The following NPC2 variants were observed in gnomAD, a reference collection of about 807,000 sequenced individuals.
NPC2 encodes NPC intracellular cholesterol transporter 2, also known as Niemann-Pick disease type C2 protein.
A neutral mutation model predicts 17.0 loss-of-function variants in NPC2; 14 were observed. That is an observed-to-expected ratio of 0.82 (90% CI 0.54 to 1.29). NPC2 has a LOEUF of 1.29. NPC2 is among the 50% of genes most tolerant of loss of function. The pLI is 0.00. For missense variants in NPC2, 167 were observed against 183.4 expected (o/e 0.91, Z 0.52); for synonymous variants, 75 against 69.3 (o/e 1.08, Z -0.41).
upstream of NPC2, chr14:74,493,494 G>A (rs1002389680): frequency 4.7e-6 from 5 of 1,071,336 alleles, no homozygotes; most frequent in South Asian, 6.2e-5. The surrounding 1 kb of genome is among the most constrained non-coding windows in gnomAD (Gnocchi z 4.1). Flanking sequence ...TCCCCTCAGA[G>A]GCCTGACCCG....
chr14:74,493,331 G>A (rs1236351996), upstream of NPC2: 3 of 1,587,422 alleles, frequency 1.9e-6, no homozygotes, highest in African/African-American at 2.7e-5. The surrounding 1 kb of genome is among the most constrained non-coding windows in gnomAD (Gnocchi z 4.1). Flanking sequence ...GCGGTCACAA[G>A]ACAAACCTGT....
chr14:74,483,472 G>C, intron 3 of NPC2: 1 of 1,561,924 alleles, frequency 6.4e-7, no homozygotes, highest in Non-Finnish European at 8.8e-7. Flanking sequence ...CAGTGGAAAA[G>C]AAACAGCCTA....
At chr14:74,493,374 G>A (rs2086800123), upstream of NPC2, 13 of 1,551,258 alleles carry the variant, frequency 8.4e-6, no homozygotes, top group Non-Finnish European at 1.1e-5. This position sits in a 1 kb window ranked among gnomAD's most constrained non-coding sequence, Gnocchi z 4.1. Context: ...CCAGTCAGGC[G>A]ACCTGTCACC....
chr14:74,486,239 C>T lies in NPC2; in HGVS notation c.190+90G>A, dbSNP rs867325088. On this transcript the variant is annotated intron_variant, in intron 2 of 4. Transcript: ENST00000555619. ...ATCATAAAATTCATGACTGCCAATT[C>T]CCCTCCCCTCCATTCCCATGCTTAT... 8.6e-5 allele frequency: 99 copies of T among 1,157,638 alleles called. No individual in the cohort carries two copies. In the South Asian group the frequency reaches 9.3e-4, roughly 11 times the overall value. The allele number at this position is 1,157,638 out of a possible 1,614,324, so 71.7% of individuals were successfully genotyped here.
intron 1 of NPC2, among the ~76,000 whole-genome samples, chr14:74,492,493 C>A (rs1193814480): frequency 2.0e-5 from 3 of 152,186 alleles, no homozygotes; most frequent in Admixed American, 2.0e-4. Flanking sequence ...ACAGTTCTAT[C>A]TCTCTATCTC....
intron 3 of NPC2, among the ~76,000 whole-genome samples, chr14:74,483,766 G>C (rs965283360): frequency 3.3e-5 from 5 of 152,172 alleles, no homozygotes; most frequent in Admixed American, 1.3e-4. Context: ...TTATACAAAA[G>C]AGCATGGATG....
In NPC2 at chr14:74,493,113, A is replaced by G. The variant is rs190483402; in HGVS notation, c.82+80T>C. The G allele has an allele frequency of 4.0e-4, 602 of 1,520,354 alleles. No homozygotes were observed. Among genetic ancestry groups the G allele is most frequent in the African/African-American group, 3.6e-3 (262 of 72,656 alleles). 94.2% of individuals were successfully genotyped at this position (1,520,354 alleles called of 1,614,324 possible). A position where few individuals can be genotyped will look rare whatever the true frequency, so the allele number is the denominator to read the frequency against. On this transcript the variant is annotated intron_variant, in intron 1 of 4. Coordinates refer to ENST00000555619, the MANE Select transcript of NPC2 (RefSeq NM_006432.5). This position sits in a 1 kb window ranked among gnomAD's most constrained non-coding sequence, Gnocchi z 4.1. ...GCCGCCCGAGGGATCCGCCCAGCCCAGCCCCAGGGGTCTCAGCGCGGGGGT... is the reference window on the plus strand; with the variant it reads ...GCCGCCCGAGGGATCCGCCCAGCCCGGCCCCAGGGGTCTCAGCGCGGGGGT...
At chr14:74,482,889 A>C in intron 3 of NPC2, 1 of 406,648 alleles carries the variant, frequency 2.5e-6, no homozygotes. Flanking sequence ...AGCTGGGAGG[A>C]GGGAGGAGGG....
At chr14:74,487,107 T>C (rs922712652) in intron 1 of NPC2, among the ~76,000 whole-genome samples, 1 of 151,470 alleles carries the variant, frequency 6.6e-6, no homozygotes, top group Non-Finnish European at 1.5e-5. Context: ...AGTGCCATCA[T>C]GCCCGGCTAA....
chr14:74,480,348 G>C (rs1024494522), intron 4 of NPC2, 60 bp from the exon 5 acceptor site: 33 of 1,435,320 alleles, frequency 2.3e-5, no homozygotes, highest in Non-Finnish European at 3.1e-5. Context: ...CCACTGTCAG[G>C]GCAATAACCC....
intron 2 of NPC2, among the ~76,000 whole-genome samples, 168 bp from the exon 3 acceptor site, chr14:74,484,755 C>CAA (rs71115996): frequency 0.023 from 1,968 of 84,520 alleles, 126 homozygotes; most frequent in Non-Finnish European, 0.029. Context: ...CACAATTATG[C>CAA]AAAAAAAAAA....
chr14:74,492,269 G>A (rs966145422), intron 1 of NPC2, among the ~76,000 whole-genome samples: 2 of 152,046 alleles, frequency 1.3e-5, no homozygotes, highest in African/African-American at 4.8e-5. Flanking sequence ...TACTCTTTTC[G>A]CCACTGCAAA....
rs1258879921 is a variant in NPC2, at chr14:74,480,053, G to A, written c.*221C>T. On this transcript the variant is annotated 3_prime_UTR_variant, in exon 5 of 5. Transcript: ENST00000555619. Reference sequence around the variant, plus strand: ...AAAATTAAACATCTGCTAACCAAGTGCTGCATTTAATGAAACCACCTAAGA... The same window carrying A: ...AAAATTAAACATCTGCTAACCAAGTACTGCATTTAATGAAACCACCTAAGA... The A allele has an allele frequency of 6.6e-7, 1 of 1,511,254 alleles. No homozygotes were observed. The highest frequency in any genetic ancestry group is 2.1e-5 in the Admixed American group (1 of 46,930). 93.6% of individuals were successfully genotyped at this position (1,511,254 alleles called of 1,614,324 possible). A position where few individuals can be genotyped will look rare whatever the true frequency, so the allele number is the denominator to read the frequency against.
rs2086798173 is a variant in NPC2, at chr14:74,493,302, A to C, written c.-28T>G. 1.9e-6 allele frequency: 3 copies of C among 1,607,922 alleles called. No homozygotes were observed. In the African/African-American group the frequency reaches 4.0e-5, roughly 21 times the overall value. ...CGGATAACGAAGTTCCAAGCTCGGG[A>C]AAGAAGCAGCGGCCGCCCGCGGTCA... On this transcript the variant is annotated 5_prime_UTR_variant, in exon 1 of 5. Transcript: ENST00000555619. This position sits in a 1 kb window ranked among gnomAD's most constrained non-coding sequence, Gnocchi z 4.1.
At position 74,493,049 on chromosome 14, in the gene NPC2, C is replaced by T; in HGVS notation, c.82+144G>A. ...GAGGCCGGCGCCTTCTCCCCCGACC[C>T]AGCCCATTCCAGTTAGGTAGGGTCC... On this transcript the variant is annotated intron_variant, in intron 1 of 4. Transcript: ENST00000555619. This position sits in a 1 kb window ranked among gnomAD's most constrained non-coding sequence, Gnocchi z 4.1. The T allele has an allele frequency of 9.7e-7, 1 of 1,031,168 alleles. No individual in the cohort carries two copies. 63.9% of individuals were successfully genotyped at this position (1,031,168 alleles called of 1,614,324 possible). A position where few individuals can be genotyped will look rare whatever the true frequency, so the allele number is the denominator to read the frequency against.
intron 2 of NPC2, among the ~76,000 whole-genome samples, 186 bp from the exon 3 acceptor site, chr14:74,484,773 A>AAAAC (rs1555345902): frequency 4.6e-4 from 67 of 145,698 alleles, no homozygotes; most frequent in African/African-American, 1.8e-3. Context: ...AAAAAAAAAA[A>AAAAC]AAAAACAATC....
intron 1 of NPC2, among the ~76,000 whole-genome samples, chr14:74,488,328 C>T (rs2086734183): frequency 6.6e-6 from 1 of 152,098 alleles, no homozygotes; most frequent in Non-Finnish European, 1.5e-5. Context: ...TTTCTTTCAC[C>T]CCAACTTGAC....
At chr14:74,482,671 G>A (rs987761067) in intron 3 of NPC2, among the ~76,000 whole-genome samples, 6 of 152,176 alleles carry the variant, frequency 3.9e-5, no homozygotes, top group African/African-American at 1.4e-4. Flanking sequence ...AGGCTTTGGA[G>A]TTATAAGACC....
At chr14:74,480,611 T>G in intron 4 of NPC2, 91 bp downstream of exon 4, 1 of 1,113,120 alleles carries the variant, frequency 9.0e-7, no homozygotes, top group Non-Finnish European at 1.4e-6. Context: ...TTGAAATTCC[T>G]TTTATCTTAT....
Sources: allele counts gnomAD v4.1 joint callset (sites outside exome capture counted in the v4.1 genomes callset), GRCh38; gene constraint gnomAD v4.1.1; non-coding constraint Gnocchi (gnomAD v3.1); transcripts MANE v1.5; gene names NCBI Gene and HGNC (gene_info 2026-07-23, HGNC 2026-07-21).